Variants in GPR63 observed in about 807,000 individuals in gnomAD.
GPR63 encodes the protein G protein-coupled receptor 63.
A neutral mutation model predicts 23.1 loss-of-function variants in GPR63; 12 were observed. The ratio of observed to expected loss-of-function variants is 0.52; its 90% CI spans 0.33 to 0.84. The LOEUF is 0.84. Ranked by LOEUF, GPR63 falls within the 40% of genes least tolerant of loss-of-function variation. The pLI, the probability that GPR63 is intolerant of heterozygous loss-of-function variation, is 0.02. For missense variants in GPR63, 472 were observed against 515.6 expected, an observed-to-expected ratio of 0.92 and a Z score of 0.82; for synonymous variants, 172 against 191.1, an observed-to-expected ratio of 0.90 and a Z score of 0.82.
At chr6:96,820,729 C>T (rs979046479) in intron 1 of GPR63, among the ~76,000 whole-genome samples, 5 of 152,086 alleles carry the variant, frequency 3.3e-5, no homozygotes, top group Non-Finnish European at 7.4e-5. Flanking sequence ...CAGCATGCCA[C>T]TCACTTTTTT....
intron 1 of GPR63, among the ~76,000 whole-genome samples, chr6:96,800,565 C>G (rs183810665): frequency 1.3e-5 from 2 of 152,054 alleles, no homozygotes; most frequent in African/African-American, 4.8e-5. Flanking sequence ...AGAAGTTCCA[C>G]CACCAACCAT....
At chr6:96,819,236 A>T (rs1477187916) in intron 1 of GPR63, among the ~76,000 whole-genome samples, 1 of 152,228 alleles carries the variant, frequency 6.6e-6, no homozygotes, top group Non-Finnish European at 1.5e-5. Flanking sequence ...TTACTGCAGC[A>T]CTATTTACAA....
chr6:96,821,686 C>T (rs1265840567), intron 1 of GPR63, among the ~76,000 whole-genome samples: 2 of 152,136 alleles, frequency 1.3e-5, no homozygotes, highest in Non-Finnish European at 2.9e-5. Context: ...TCCCTGAGAG[C>T]TCCAGCCAAG....
chr6:96,824,395 C>A (rs1774386441), intron 1 of GPR63, among the ~76,000 whole-genome samples: 1 of 151,884 alleles, frequency 6.6e-6, no homozygotes. Context: ...TTCATCTAAA[C>A]AAAATCTAAC....
rs1253633137 is a variant in GPR63, at chr6:96,797,144, T to C, written c.*1328A>G. 6.6e-6 allele frequency: 1 copy of C among 152,040 alleles called. No homozygotes were observed. Among genetic ancestry groups the C allele is most frequent in the East Asian group, 1.9e-4 (1 of 5,172 alleles). 9.4% of individuals were successfully genotyped at this position (152,040 alleles called of 1,614,324 possible). A position where few individuals can be genotyped will look rare whatever the true frequency, so the allele number is the denominator to read the frequency against. ...TATTCAGGAGGCTGAGACAGGAGGATTACCTGAGCCTGGGAGGTTGAGGCT... is the reference window on the plus strand; with the variant it reads ...TATTCAGGAGGCTGAGACAGGAGGACTACCTGAGCCTGGGAGGTTGAGGCT... On this transcript the variant is annotated 3_prime_UTR_variant, in exon 2 of 2. Coordinates refer to ENST00000229955, the MANE Select transcript of GPR63 (RefSeq NM_030784.4).
intron 1 of GPR63, among the ~76,000 whole-genome samples, chr6:96,826,827 G>A (rs1183877155): frequency 6.6e-6 from 1 of 151,726 alleles, no homozygotes; most frequent in Non-Finnish European, 1.5e-5. Context: ...AATACATCAT[G>A]GAAAAAAGAA....
chr6:96,802,988 A>G (rs1249334831), intron 1 of GPR63, among the ~76,000 whole-genome samples: 2 of 151,996 alleles, frequency 1.3e-5, no homozygotes, highest in Non-Finnish European at 2.9e-5. Flanking sequence ...CTGGAACCCC[A>G]CTCCACACCT....
intron 1 of GPR63, among the ~76,000 whole-genome samples, chr6:96,832,448 C>A (rs938159255): frequency 2.5e-4 from 28 of 110,254 alleles, no homozygotes; most frequent in Admixed American, 9.2e-4. Flanking sequence ...TTTTTTTTTA[C>A]TTTTTGGAGA....
chr6:96,824,641 TA>T, intron 1 of GPR63, among the ~76,000 whole-genome samples: 1 of 68,062 alleles, frequency 1.5e-5, no homozygotes, highest in Admixed American at 2.1e-4. Flanking sequence ...TTTGAACTTT[TA>T]AAAAAATGAA....
intron 1 of GPR63, among the ~76,000 whole-genome samples, chr6:96,812,511 A>G (rs1313014628): frequency 4.6e-5 from 7 of 152,170 alleles, no homozygotes; most frequent in Admixed American, 3.9e-4. Flanking sequence ...ATCAAAACTG[A>G]AACTCAAGTG....
chr6:96,834,282 G>T (rs1235490830), intron 1 of GPR63, among the ~76,000 whole-genome samples: 1 of 150,790 alleles, frequency 6.6e-6, no homozygotes, highest in Admixed American at 6.6e-5. Flanking sequence ...CAAATCATTT[G>T]GAATGTTCTC....
Position 96,798,391 on chromosome 6 carries a change from T to C in GPR63, c.*81A>G. 3 of 1,433,068 alleles carry C rather than the reference T, an allele frequency of 2.1e-6. No individual in the cohort carries two copies. The highest frequency in any genetic ancestry group is 2.8e-5 in the South Asian group (2 of 72,418). 88.8% of individuals were successfully genotyped at this position (1,433,068 alleles called of 1,614,324 possible). A position where few individuals can be genotyped will look rare whatever the true frequency, so the allele number is the denominator to read the frequency against. On this transcript the variant is annotated 3_prime_UTR_variant, in exon 2 of 2. Coordinates refer to ENST00000229955, the MANE Select transcript of GPR63 (RefSeq NM_030784.4). ...CATACACAAACCCTATAAAAAAAAA[T>C]AAAGTGGAGAGGCTATGAGAAAGAG...
chr6:96,805,143 A>G (rs1773864417), intron 1 of GPR63, among the ~76,000 whole-genome samples: 2 of 152,100 alleles, frequency 1.3e-5, no homozygotes, highest in Non-Finnish European at 2.9e-5. Context: ...AGGCTGTGCA[A>G]TTTATAAGGA....
chr6:96,809,168 A>G (rs1361640959), intron 1 of GPR63, among the ~76,000 whole-genome samples: 2 of 152,168 alleles, frequency 1.3e-5, no homozygotes, highest in African/African-American at 4.8e-5. Context: ...TACAAGCTGG[A>G]GTACACTGGC....
At chr6:96,819,504 C>A (rs1332326114) in intron 1 of GPR63, among the ~76,000 whole-genome samples, 1 of 151,840 alleles carries the variant, frequency 6.6e-6, no homozygotes, top group Admixed American at 6.6e-5. Context: ...ACATCACACA[C>A]TGGGGCCTGT....
Position 96,799,077 on chromosome 6 carries a change from C to T in GPR63, c.655G>A (p.Asp219Asn), listed in dbSNP as rs185129489. Residue 219 changes from aspartate (D) to asparagine (N), a missense_variant, in exon 2 of 2, where the codon GAC becomes AAC. Coordinates refer to ENST00000229955, the MANE Select transcript of GPR63 (RefSeq NM_030784.4). ...GGAGCTCGGGAAGGTATCTGCAGGTCGGGGTTTCCTACGGCTAAAGGAAAA... is the reference window on the plus strand; with the variant it reads ...GGAGCTCGGGAAGGTATCTGCAGGTTGGGGTTTCCTACGGCTAAAGGAAAA... Reference protein sequence around the residue: ...VAFPLAVGNPDLQIPSRAPQC... With the variant: ...VAFPLAVGNPNLQIPSRAPQC... 6.2e-6 allele frequency: 10 copies of T among 1,614,052 alleles called. No individual in the cohort carries two copies. Among genetic ancestry groups the T allele is most frequent in the South Asian group, 4.4e-5 (4 of 91,068 alleles).
intron 1 of GPR63, among the ~76,000 whole-genome samples, chr6:96,829,010 TAAAGTA>T (rs1226097701): frequency 6.6e-6 from 1 of 152,014 alleles, no homozygotes; most frequent in Non-Finnish European, 1.5e-5. Context: ...CAAAAACATA[TAAAGTA>T]AAAGGTGAAT....
chr6:96,814,081 T>C (rs1774105858), intron 1 of GPR63, among the ~76,000 whole-genome samples: 2 of 152,188 alleles, frequency 1.3e-5, no homozygotes, highest in Non-Finnish European at 2.9e-5. Context: ...GTAAATGACA[T>C]TCAATGGTAC....
chr6:96,836,874 C>T (rs989312379), intron 1 of GPR63, among the ~76,000 whole-genome samples: 3 of 152,102 alleles, frequency 2.0e-5, no homozygotes, highest in Non-Finnish European at 4.4e-5. Flanking sequence ...AGCTCATCTC[C>T]TTCCTCTCAC....
Sources: gnomAD v4.1 joint callset for allele counts (sites outside exome capture counted in the v4.1 genomes callset) on GRCh38, gnomAD v4.1.1 for gene constraint, MANE v1.5 for transcripts, NCBI Gene and HGNC (gene_info 2026-07-23, HGNC 2026-07-21) for gene names.